The following HCN1 variants were observed in gnomAD, a reference collection of about 807,000 sequenced individuals.
The protein encoded by HCN1 is potassium/sodium hyperpolarization-activated cyclic nucleotide-gated channel 1.
A neutral mutation model predicts 78.9 loss-of-function variants in HCN1; 13 were observed. The ratio of observed to expected loss-of-function variants is 0.16; its 90% confidence interval spans 0.11 to 0.26. The LOEUF (loss-of-function observed/expected upper bound fraction) is 0.26. HCN1 is among the 10% of genes least tolerant of loss of function. HCN1 has a pLI of 1.00. For synonymous variants in HCN1, 552 were observed against 455.5 expected, an observed-to-expected ratio of 1.21 and a Z score of -2.70; for missense variants, 810 against 1,154.3, an observed-to-expected ratio of 0.70 and a Z score of 4.32.
intron 5 of HCN1, among the ~76,000 whole-genome samples, chr5:45,351,009 G>A (rs1351169656): frequency 1.3e-5 from 2 of 152,076 alleles, no homozygotes; most frequent in Admixed American, 1.3e-4. Context: ...TGTCTTCACA[G>A]AATTGGAAAA....
At chr5:45,533,472 G>T (rs1251445570) in intron 2 of HCN1, among the ~76,000 whole-genome samples, 1 of 152,182 alleles carries the variant, frequency 6.6e-6, no homozygotes, top group Non-Finnish European at 1.5e-5. Flanking sequence ...TGTAACTATA[G>T]TGATATGATG....
intron 5 of HCN1, among the ~76,000 whole-genome samples, chr5:45,349,057 C>G (rs1338318802): frequency 6.6e-6 from 1 of 152,190 alleles, no homozygotes; most frequent in Non-Finnish European, 1.5e-5. Flanking sequence ...CACCCCAAAT[C>G]AATAGAATAT....
At chr5:45,300,892 G>T (rs1479415062) in intron 6 of HCN1, among the ~76,000 whole-genome samples, 2 of 151,944 alleles carry the variant, frequency 1.3e-5, no homozygotes, top group Non-Finnish European at 2.9e-5. Context: ...AAAGGCTAAG[G>T]GGCCAATGAG....
intron 6 of HCN1, among the ~76,000 whole-genome samples, chr5:45,286,144 T>G (rs1745266286): frequency 6.6e-6 from 1 of 151,960 alleles, no homozygotes; most frequent in Admixed American, 6.6e-5. Flanking sequence ...GAGTATTATT[T>G]TGTGTCTTCT....
intron 4 of HCN1, among the ~76,000 whole-genome samples, chr5:45,374,142 T>C (rs2112013734): frequency 8.9e-6 from 1 of 112,918 alleles, no homozygotes; most frequent in Non-Finnish European, 1.7e-5. Flanking sequence ...ATTATATACA[T>C]ATTATATATA....
At chr5:45,443,078 T>C (rs914109176) in intron 3 of HCN1, among the ~76,000 whole-genome samples, 6 of 152,066 alleles carry the variant, frequency 3.9e-5, no homozygotes, top group Non-Finnish European at 8.8e-5. Context: ...CTTCGAAAGT[T>C]GGTGTAAGAT....
At chr5:45,691,010 G>A (rs1462738681) in intron 1 of HCN1, among the ~76,000 whole-genome samples, 2 of 152,020 alleles carry the variant, frequency 1.3e-5, no homozygotes, top group African/African-American at 4.8e-5. Context: ...CTGGTTTCCT[G>A]CTCACTATAG....
chr5:45,509,409 A>T (rs1246141256), intron 2 of HCN1, among the ~76,000 whole-genome samples: 3 of 152,144 alleles, frequency 2.0e-5, no homozygotes, highest in Admixed American at 6.6e-5. Flanking sequence ...TAAAGGGAAA[A>T]AAAAGCATTT....
intron 5 of HCN1, among the ~76,000 whole-genome samples, chr5:45,304,709 T>C (rs1007951343): frequency 6.6e-6 from 1 of 152,030 alleles, no homozygotes; most frequent in African/African-American, 2.4e-5. Flanking sequence ...TAAATTCAAC[T>C]GGTGTCTGGG....
chr5:45,582,896 T>C (rs1414204807), intron 2 of HCN1, among the ~76,000 whole-genome samples: 1 of 152,194 alleles, frequency 6.6e-6, no homozygotes, highest in Non-Finnish European at 1.5e-5. Context: ...GATAAGCTTT[T>C]TGATGTGCTG....
chr5:45,535,526 A>G (rs1397022240), intron 2 of HCN1, among the ~76,000 whole-genome samples: 1 of 152,108 alleles, frequency 6.6e-6, no homozygotes, highest in Non-Finnish European at 1.5e-5. Context: ...TGAACCTGGG[A>G]GGTGGAGGTT....
At chr5:45,641,079 G>A (rs1439769310) in intron 2 of HCN1, among the ~76,000 whole-genome samples, 2 of 152,088 alleles carry the variant, frequency 1.3e-5, no homozygotes, top group Non-Finnish European at 2.9e-5. Context: ...TAAGCAATAG[G>A]GAGCCTCTCT....
intron 1 of HCN1, among the ~76,000 whole-genome samples, chr5:45,648,050 G>C (rs1179006502): frequency 1.3e-5 from 2 of 152,096 alleles, no homozygotes; most frequent in African/African-American, 4.8e-5. Context: ...CAAATATACA[G>C]GGTTTTATGG....
rs1745379120 is a variant in HCN1 at position 45,637,609 on chromosome 5, G to A, written c.849+7576C>T. 4.0e-5 allele frequency among the ~76,000 whole-genome samples: 6 copies of A among 151,130 alleles called. 1 individual carries two copies. The South Asian group carries it at 1.3e-3, about 32-fold the overall frequency. ...TATAGATGGAACTAATTGTGTCTGA[G>A]AGATTAGTTAATTCTACCTGAAAGA... On this transcript the variant is annotated intron_variant, in intron 2 of 7. Transcript: ENST00000303230.
At chr5:45,457,166 C>A (rs1331054870) in intron 3 of HCN1, among the ~76,000 whole-genome samples, 2 of 151,996 alleles carry the variant, frequency 1.3e-5, no homozygotes, top group East Asian at 3.9e-4. Context: ...GCTGAAAATC[C>A]TTCTTTATCT....
chr5:45,475,511 A>G (rs1013998708), intron 2 of HCN1, among the ~76,000 whole-genome samples: 4 of 152,080 alleles, frequency 2.6e-5, no homozygotes, highest in African/African-American at 9.7e-5. Context: ...GCCAAAATTG[A>G]CTCTAAAAAA....
intron 2 of HCN1, chr5:45,644,923 G>A (rs1745514426): frequency 3.9e-6 from 2 of 516,810 alleles, no homozygotes; most frequent in African/African-American, 2.0e-5. Flanking sequence ...GATAATAATT[G>A]CTGATTAAAG....
At chr5:45,272,367 T>A (rs2111854847) in intron 6 of HCN1, among the ~76,000 whole-genome samples, 1 of 152,164 alleles carries the variant, frequency 6.6e-6, no homozygotes, top group Non-Finnish European at 1.5e-5. Context: ...TATGTATTAG[T>A]TTATCACTAT....
In HCN1 at chr5:45,653,211, C is replaced by T. The variant is rs190677328; in HGVS notation, c.426-7603G>A. ...TTCCTAAACCCAAACTCAACCTCTA[C>T]ATTGCCTTACATTACTTCAACAGTC... On this transcript the variant is annotated intron_variant, in intron 1 of 7. Transcript: ENST00000303230. Among the ~76,000 whole-genome samples, 47 of 152,134 alleles carry T rather than the reference C, an allele frequency of 3.1e-4. 1 individual carries two copies. In the East Asian group the frequency reaches 7.0e-3, roughly 23 times the overall value.
Sources: gnomAD v4.1 joint callset for allele counts (sites outside exome capture counted in the v4.1 genomes callset) on GRCh38, gnomAD v4.1.1 for gene constraint, MANE v1.5 for transcripts, NCBI Gene and HGNC (gene_info 2026-07-23, HGNC 2026-07-21) for gene names.